Variants in TCF4 observed in about 807,000 individuals in gnomAD.
The protein encoded by TCF4 is transcription factor 4, also known as SL3-3 enhancer factor 2.
In TCF4, 3 loss-of-function variants were observed where a neutral mutation model predicts 82.1. That is an observed-to-expected ratio of 0.04 (90% confidence interval 0.02 to 0.09). TCF4 has a LOEUF of 0.09. Ranked by LOEUF, TCF4 falls within the 10% of genes least tolerant of loss-of-function variation. The pLI is 1.00. For missense variants in TCF4, 518 were observed against 852.7 expected, an observed-to-expected ratio of 0.61 and a Z score of 4.89; for synonymous variants, 276 against 309.6, an observed-to-expected ratio of 0.89 and a Z score of 1.14.
In TCF4 at chr18:55,495,163, T is replaced by C. The variant is rs770134582; in HGVS notation, c.146-31026A>G. On this transcript the variant is annotated intron_variant, in intron 3 of 19. Coordinates refer to ENST00000354452, the MANE Select transcript of TCF4 (RefSeq NM_001083962.2). ...CAGACTGTTGACTCATTTAAGCCAA[T>C]AGATAAGTTGTTTCAGTGTTTTGCA... is the stretch of plus-strand genomic sequence containing the variant. Among the ~76,000 whole-genome samples the C allele has an allele frequency of 2.4e-4, 37 of 152,158 alleles. 1 individual carries two copies. Among genetic ancestry groups the C allele is most frequent in the African/African-American group, 5.8e-4 (24 of 41,556 alleles).
intron 2 of TCF4, among the ~76,000 whole-genome samples, chr18:55,596,933 G>A (rs1157970821): frequency 1.3e-5 from 2 of 152,186 alleles, no homozygotes; most frequent in African/African-American, 2.4e-5. Context: ...AGTGTTGGAG[G>A]AGGGGCCTGA....
rs538235811 is a variant in TCF4 at position 55,274,898 on chromosome 18, TC to T, written c.789+720del. On this transcript the variant is annotated intron_variant, in intron 10 of 19. Coordinates refer to ENST00000354452, the MANE Select transcript of TCF4 (RefSeq NM_001083962.2). Reference sequence around the variant, plus strand: ...GAAGAAAGTCAGCTGAGTTGTTTCCTCCAGGATAAAGAGACATACTATGATA... The same window carrying T: ...GAAGAAAGTCAGCTGAGTTGTTTCCTCAGGATAAAGAGACATACTATGATA... Among the ~76,000 whole-genome samples, 318 of 152,216 alleles carry T rather than the reference TC, an allele frequency of 2.1e-3. 1 individual carries two copies. Among genetic ancestry groups the T allele is most frequent in the African/African-American group, 7.6e-3 (317 of 41,544 alleles).
At position 55,577,212 on chromosome 18, in the gene TCF4, A is replaced by ATGTGT. The variant is rs1491094213; in HGVS notation, c.145+8067_145+8068insACACA. 1.1e-4 allele frequency among the ~76,000 whole-genome samples: 2 copies of ATGTGT among 17,834 alleles called. 1 individual carries two copies. The highest frequency in any genetic ancestry group is 1.2e-3 in the African/African-American group (2 of 1,642). 11.7% of individuals were successfully genotyped at this position (17,834 alleles called of 152,430 possible). A position where few individuals can be genotyped will look rare whatever the true frequency, so the allele number is the denominator to read the frequency against. On this transcript the variant is annotated intron_variant, in intron 3 of 19. Coordinates refer to ENST00000354452, the MANE Select transcript of TCF4 (RefSeq NM_001083962.2). ...TATATATACATTTATATATTTATAT[A>ATGTGT]AATGTATATATACGTTTATATATTT...
intron 3 of TCF4, chr18:55,469,794 T>C (rs1358609586): frequency 6.6e-6 from 1 of 152,230 alleles, no homozygotes; most frequent in East Asian, 1.9e-4. Context: ...TCCGTACTCA[T>C]TTTTGTGAAC....
intron 8 of TCF4, among the ~76,000 whole-genome samples, chr18:55,291,641 A>T (rs1440341730): frequency 6.6e-6 from 1 of 152,202 alleles, no homozygotes; most frequent in African/African-American, 2.4e-5. Context: ...AAAAATAAGT[A>T]TGCAAGTTGT....
intron 15 of TCF4, among the ~76,000 whole-genome samples, chr18:55,240,579 G>A (rs2050902035): frequency 1.3e-5 from 2 of 152,330 alleles, no homozygotes. Context: ...ATGGCTCACA[G>A]ATGGGAATTA....
At chr18:55,521,437 C>A (rs1011129058) in intron 3 of TCF4, among the ~76,000 whole-genome samples, 7 of 152,132 alleles carry the variant, frequency 4.6e-5, no homozygotes, top group Non-Finnish European at 1.0e-4. Flanking sequence ...CTTTACAACA[C>A]CAAAAGCAAA....
chr18:55,471,694 AGAT>A (rs1183167175), intron 3 of TCF4, among the ~76,000 whole-genome samples: 1 of 152,002 alleles, frequency 6.6e-6, no homozygotes, highest in Non-Finnish European at 1.5e-5. Context: ...TGAACCCAGA[AGAT>A]GGAGGCTGCA....
chr18:55,246,384 C>T (rs1385662817), intron 15 of TCF4, among the ~76,000 whole-genome samples: 1 of 152,026 alleles, frequency 6.6e-6, no homozygotes, highest in Admixed American at 6.6e-5. Flanking sequence ...GCAGAGAGAG[C>T]AGGGTTTTGA....
chr18:55,365,223 G>GTATATATA (rs1163720022), intron 6 of TCF4, among the ~76,000 whole-genome samples: 12 of 135,624 alleles, frequency 8.8e-5, no homozygotes, highest in African/African-American at 3.3e-4. Context: ...ATATATGTGT[G>GTATATATA]TGTGTGTGTG....
intron 3 of TCF4, among the ~76,000 whole-genome samples, chr18:55,475,146 G>A (rs560343272): frequency 2.0e-5 from 3 of 152,208 alleles, no homozygotes; most frequent in South Asian, 2.1e-4. Context: ...CTCCCTCTCC[G>A]GTAGAAGACA....
chr18:55,631,054 T>G (rs1218172211), intron 2 of TCF4, among the ~76,000 whole-genome samples: 2 of 151,008 alleles, frequency 1.3e-5, no homozygotes, highest in Admixed American at 6.6e-5. Context: ...GCAATGGGTT[T>G]TTTTTTTTTT....
chr18:55,422,802 A>C (rs879804601), intron 5 of TCF4, among the ~76,000 whole-genome samples: 5 of 152,192 alleles, frequency 3.3e-5, no homozygotes, highest in Non-Finnish European at 7.3e-5. Flanking sequence ...AATGCTAATG[A>C]GTCCTCATTT....
intron 3 of TCF4, among the ~76,000 whole-genome samples, chr18:55,583,170 T>C (rs1029895565): frequency 2.0e-5 from 3 of 152,120 alleles, no homozygotes; most frequent in Admixed American, 6.5e-5. Context: ...CATTACACTT[T>C]TTACCCTTAC....
intron 8 of TCF4, among the ~76,000 whole-genome samples, chr18:55,319,771 A>T (rs1289588928): frequency 1.3e-5 from 2 of 152,080 alleles, no homozygotes; most frequent in African/African-American, 2.4e-5. Flanking sequence ...CTTACGGTGG[A>T]GGCAACTGGC....
intron 6 of TCF4, among the ~76,000 whole-genome samples, chr18:55,365,319 T>C (rs1373468952): frequency 7.1e-6 from 1 of 140,110 alleles, no homozygotes; most frequent in Non-Finnish European, 1.6e-5. Context: ...ATGTGTAGAT[T>C]CTCCTATTGC....
intron 2 of TCF4, chr18:55,631,256 G>T: frequency 1.1e-6 from 1 of 883,718 alleles, no homozygotes; most frequent in Non-Finnish European, 1.8e-6. Flanking sequence ...CATCATGTTG[G>T]CCAGGCTGTC....
rs2095264924 is a variant in TCF4 at position 55,433,915 on chromosome 18, T to G, written c.304+27104A>C. On this transcript the variant is annotated intron_variant, in intron 5 of 19. Coordinates refer to ENST00000354452, the MANE Select transcript of TCF4 (RefSeq NM_001083962.2). ...CTGACAGAGCCATTTCCTCTTCAGC[T>G]GTTACCCTTGAGTAGTTTTCCAGTC... Among the ~76,000 whole-genome samples, 5 of 152,272 alleles carry G rather than the reference T, an allele frequency of 3.3e-5. No homozygotes were observed. In the South Asian group the frequency reaches 1.0e-3, roughly 32 times the overall value.
intron 3 of TCF4, among the ~76,000 whole-genome samples, chr18:55,486,263 G>A (rs78805214): frequency 6.6e-6 from 1 of 152,156 alleles, no homozygotes; most frequent in Non-Finnish European, 1.5e-5. Context: ...AAAAGGAGAC[G>A]GAAGTTTCCT....
Sources: allele counts gnomAD v4.1 joint callset (sites outside exome capture counted in the v4.1 genomes callset), GRCh38; gene constraint gnomAD v4.1.1; transcripts MANE v1.5; gene names NCBI Gene and HGNC (gene_info 2026-07-23, HGNC 2026-07-21).